Variants in RFTN1 observed in about 807,000 individuals in gnomAD.
RFTN1 encodes raftlin, lipid raft linker 1, also known as raftlin.
A neutral mutation model predicts 46.5 loss-of-function variants in RFTN1; 26 were observed. That is an observed-to-expected ratio of 0.56 (90% CI 0.41 to 0.78). The LOEUF (loss-of-function observed/expected upper bound fraction) is 0.78. Ranked by LOEUF, RFTN1 falls within the 30% of genes least tolerant of loss-of-function variation. RFTN1 has a pLI of 0.00. For synonymous variants in RFTN1, 261 were observed against 284.2 expected (o/e 0.92, Z 0.82); for missense variants, 693 against 718.7 (o/e 0.96, Z 0.41).
intron 4 of RFTN1, among the ~76,000 whole-genome samples, chr3:16,391,110 A>G (rs905452607): frequency 1.2e-4 from 18 of 152,182 alleles, no homozygotes; most frequent in Middle Eastern, 6.8e-3. Flanking sequence ...TAGTACCCCA[A>G]TGAATAACAC....
rs1482281775 is a variant in RFTN1 at position 16,346,931 on chromosome 3, C to T, written c.1146+11001G>A. 6.6e-6 allele frequency among the ~76,000 whole-genome samples: 1 copy of T among 152,196 alleles called. No homozygotes were observed. Among genetic ancestry groups the T allele is most frequent in the Non-Finnish European group, 1.5e-5 (1 of 68,050 alleles). Reference sequence around the variant, plus strand: ...CAAAGCTGACTCTGCAACCTCCCCACCTTGCTCTAGACTTCCTGCTCAATG... The same window carrying T: ...CAAAGCTGACTCTGCAACCTCCCCATCTTGCTCTAGACTTCCTGCTCAATG... On this transcript the variant is annotated intron_variant, in intron 7 of 9. Coordinates refer to ENST00000334133, the MANE Select transcript of RFTN1 (RefSeq NM_015150.2). This position sits in a 1 kb window ranked among gnomAD's most constrained non-coding sequence, Gnocchi z 4.4.
Position 16,459,085 on chromosome 3 carries a change from C to A in RFTN1, c.146-25048G>T, listed in dbSNP as rs1345443429. 1.3e-5 allele frequency among the ~76,000 whole-genome samples: 2 copies of A among 152,134 alleles called. No homozygotes were observed. Among genetic ancestry groups the A allele is most frequent in the Non-Finnish European group, 2.9e-5 (2 of 68,022 alleles). ...GAGTAGCTGGGACCACAGGTGTGCA[C>A]CATGCCCAGCTAATTTTTTGTATTT... On this transcript the variant is annotated intron_variant, in intron 2 of 9. Transcript: ENST00000334133. This position sits in a 1 kb window ranked among gnomAD's most constrained non-coding sequence, Gnocchi z 4.2.
In RFTN1 at chr3:16,387,866, C is replaced by T. The variant is rs899105450; in HGVS notation, c.442-9764G>A. Among the ~76,000 whole-genome samples the T allele has an allele frequency of 4.6e-5, 7 of 150,884 alleles. No homozygotes were observed. The highest frequency in any genetic ancestry group is 7.4e-5 in the Non-Finnish European group (5 of 68,004). On this transcript the variant is annotated intron_variant, in intron 4 of 9. Coordinates refer to ENST00000334133, the MANE Select transcript of RFTN1 (RefSeq NM_015150.2). The surrounding 1 kb of genome is among the most constrained non-coding windows in gnomAD (Gnocchi z 5.2). ...CTCACCACCCCATCCTCTCTGGTAG[C>T]TCATGCATTCCCCTCCTCCTGGAGA... is the stretch of plus-strand genomic sequence containing the variant.
chr3:16,435,955 A>G (rs1030513929), intron 2 of RFTN1, among the ~76,000 whole-genome samples: 23 of 145,790 alleles, frequency 1.6e-4, no homozygotes, highest in African/African-American at 6.2e-4. Context: ...TCACACACAT[A>G]TGTATGTGTG....
intron 2 of RFTN1, among the ~76,000 whole-genome samples, chr3:16,470,232 A>G (rs577454305): frequency 6.7e-5 from 10 of 150,342 alleles, no homozygotes; most frequent in South Asian, 4.2e-4. Flanking sequence ...GCACACACGC[A>G]CACACACACA....
intron 1 of RFTN1, among the ~76,000 whole-genome samples, chr3:16,503,042 T>G (rs1196311802): frequency 6.6e-6 from 1 of 152,134 alleles, no homozygotes; most frequent in African/African-American, 2.4e-5. Context: ...AAAAGATACC[T>G]AATAGGAGTG....
At position 16,403,557 on chromosome 3, in the gene RFTN1, G is replaced by C. The variant is rs369108971; in HGVS notation, c.441+5818C>G. 7.1e-5 allele frequency among the ~76,000 whole-genome samples: 4 copies of C among 56,174 alleles called. 1 individual carries two copies. The highest frequency in any genetic ancestry group is 3.2e-4 in the African/African-American group (4 of 12,334). The allele number at this position is 56,174 out of a possible 152,430, so 36.9% of individuals were successfully genotyped here. On this transcript the variant is annotated intron_variant, in intron 4 of 9. Coordinates refer to ENST00000334133, the MANE Select transcript of RFTN1 (RefSeq NM_015150.2). ...GCAGCATATGAGAGACAGAGACAGA[G>C]ACACACACACACACACATATATTAT... is the stretch of plus-strand genomic sequence containing the variant.
chr3:16,491,707 G>T (rs897586496), intron 2 of RFTN1, among the ~76,000 whole-genome samples: 2 of 150,836 alleles, frequency 1.3e-5, no homozygotes, highest in African/African-American at 4.9e-5. Context: ...TAGGAGCAAA[G>T]TTACTCTTCG....
Position 16,392,666 on chromosome 3 carries a change from T to TAC in RFTN1, c.442-14566_442-14565dup, listed in dbSNP as rs552502926. ...CATAAAAGTTATATGTGTATATATGTACACACACACACACATATATATATA... is the reference window on the plus strand; with the variant it reads ...CATAAAAGTTATATGTGTATATATGTACACACACACACACACATATATATATA... On this transcript the variant is annotated intron_variant, in intron 4 of 9. Coordinates refer to ENST00000334133, the MANE Select transcript of RFTN1 (RefSeq NM_015150.2). Among the ~76,000 whole-genome samples, 772 of 109,326 alleles carry TAC rather than the reference T, an allele frequency of 7.1e-3. 3 individuals carry two copies. The highest frequency in any genetic ancestry group is 0.011 in the Non-Finnish European group (599 of 56,984). 71.7% of individuals were successfully genotyped at this position (109,326 alleles called of 152,430 possible).
chr3:16,408,125 T>G (rs2074903237), intron 4 of RFTN1, among the ~76,000 whole-genome samples: 1 of 152,236 alleles, frequency 6.6e-6, no homozygotes, highest in African/African-American at 2.4e-5. Flanking sequence ...TCACTCTCCC[T>G]CTGACGTTCT....
At chr3:16,492,844 C>T (rs2076560676) in intron 2 of RFTN1, among the ~76,000 whole-genome samples, 1 of 152,224 alleles carries the variant, frequency 6.6e-6, no homozygotes, top group Admixed American at 6.5e-5. Flanking sequence ...CACGACTTCC[C>T]CCCCAACACT....
chr3:16,328,722 C>T lies in RFTN1; in HGVS notation c.1147-1846G>A, dbSNP rs1209864422. Among the ~76,000 whole-genome samples, 7 of 152,178 alleles carry T rather than the reference C, an allele frequency of 4.6e-5. No homozygotes were observed. In the South Asian group the frequency reaches 6.2e-4, roughly 14 times the overall value. ...ATCAGGAACTCCGGGAGTAGGGCCC[C>T]GGAATCTGTGTTTTAAAAAGCCCTT... is the stretch of plus-strand genomic sequence containing the variant. On this transcript the variant is annotated intron_variant, in intron 7 of 9. Transcript: ENST00000334133.
chr3:16,511,728 T>C (rs1353713277), intron 1 of RFTN1, among the ~76,000 whole-genome samples: 6 of 151,976 alleles, frequency 3.9e-5, no homozygotes, highest in Non-Finnish European at 8.8e-5. Context: ...TTCTGCTTGT[T>C]TCCCTACAGA....
At chr3:16,482,781 A>G (rs2076388626) in intron 2 of RFTN1, 2 of 1,536,050 alleles carry the variant, frequency 1.3e-6, no homozygotes, top group South Asian at 1.2e-5. Flanking sequence ...ATCACAATAC[A>G]TCAGCTGCAG....
At chr3:16,359,032 CAAAAAAA>C (rs771185605) in intron 6 of RFTN1, among the ~76,000 whole-genome samples, 16 of 89,518 alleles carry the variant, frequency 1.8e-4, no homozygotes, top group Admixed American at 6.3e-4. Context: ...ATTCTGTCTC[CAAAAAAA>C]AAAAAAAAAA....
In RFTN1 at chr3:16,445,483, T is replaced by TCTCACACACA. The variant is rs1352210263; in HGVS notation, c.146-11447_146-11446insTGTGTGTGAG. ...TTCTCTCTTTCTCTCTCTCTCTCTC[T>TCTCACACACA]CACACACACACACACACACACACAC... On this transcript the variant is annotated intron_variant, in intron 2 of 9. Coordinates refer to ENST00000334133, the MANE Select transcript of RFTN1 (RefSeq NM_015150.2). Among the ~76,000 whole-genome samples, 551 of 126,846 alleles carry TCTCACACACA rather than the reference T, an allele frequency of 4.3e-3. 5 individuals carry two copies. The highest frequency in any genetic ancestry group is 9.1e-3 in the African/African-American group (296 of 32,702). 83.2% of individuals were successfully genotyped at this position (126,846 alleles called of 152,430 possible).
chr3:16,405,669 C>T (rs572314890), intron 4 of RFTN1, among the ~76,000 whole-genome samples: 28 of 152,262 alleles, frequency 1.8e-4, no homozygotes, highest in Middle Eastern at 3.4e-3. Context: ...TATCCGTGTC[C>T]TCTATCCAAA....
At position 16,389,849 on chromosome 3, in the gene RFTN1, A is replaced by G. The variant is rs539687468; in HGVS notation, c.442-11747T>C. 6.6e-5 allele frequency among the ~76,000 whole-genome samples: 10 copies of G among 152,322 alleles called. No homozygotes were observed. In the South Asian group the frequency reaches 2.1e-3, roughly 32 times the overall value. On this transcript the variant is annotated intron_variant, in intron 4 of 9. Coordinates refer to ENST00000334133, the MANE Select transcript of RFTN1 (RefSeq NM_015150.2). ...TGGGTCCTTATGACGGCCTCAACCA[A>G]TGAGTAGGTGAAAAGGACCCTTATG...
In RFTN1 at chr3:16,463,496, C is replaced by CT. The variant is rs549541758; in HGVS notation, c.146-29460dup. Among the ~76,000 whole-genome samples the CT allele has an allele frequency of 4.1e-3, 617 of 152,226 alleles. 1 individual carries two copies. The highest frequency in any genetic ancestry group is 6.8e-3 in the Middle Eastern group (2 of 294). On this transcript the variant is annotated intron_variant, in intron 2 of 9. Coordinates refer to ENST00000334133, the MANE Select transcript of RFTN1 (RefSeq NM_015150.2). ...CCATTGAGTTCTTAATTGCAGATAT[C>CT]TTTTTCAAGTAATAGAAATCCCATT...
Sources: allele counts gnomAD v4.1 joint callset (sites outside exome capture counted in the v4.1 genomes callset), GRCh38; gene constraint gnomAD v4.1.1; non-coding constraint Gnocchi (gnomAD v3.1); transcripts MANE v1.5; gene names NCBI Gene and HGNC (gene_info 2026-07-23, HGNC 2026-07-21).